SLC35B1: variants seen among roughly 807,000 people sequenced by gnomAD.
The protein encoded by SLC35B1 is ATP/ADP exchanger ER.
A neutral mutation model predicts 36.6 loss-of-function variants in SLC35B1; 27 were observed. That is an observed-to-expected ratio of 0.74 (90% CI 0.54 to 1.02). The LOEUF (loss-of-function observed/expected upper bound fraction) is 1.02. Ranked by LOEUF, SLC35B1 falls within the 50% of genes least tolerant of loss-of-function variation. The pLI is 0.00. For missense variants in SLC35B1, 321 were observed against 383.2 expected, an observed-to-expected ratio of 0.84 and a Z score of 1.35; for synonymous variants, 162 against 152.5, an observed-to-expected ratio of 1.06 and a Z score of -0.46.
rs999964324 is a variant in SLC35B1 at position 49,702,987 on chromosome 17, A to G, written c.787T>C (p.Tyr263His). ...GQSFIFMTVV[Y>H]FGPLTCSIIT... ...ATGGAGCAGGTCAGGGGACCAAAAT[A>G]CACAACCGTCATAAAGATGAAGCTC... The change falls in exon 8 of 9, where the codon TAT becomes CAT. Residue 263 changes from tyrosine to histidine, a missense_variant. Coordinates refer to ENST00000240333, the MANE Select transcript of SLC35B1 (RefSeq NM_005827.4). The G allele has an allele frequency of 6.2e-7, 1 of 1,614,106 alleles. No individual in the cohort carries two copies.
At chr17:49,703,346 GCGCACACA>G (rs780678239) in intron 6 of SLC35B1, 52 bp from the exon 7 acceptor site, 220 of 667,716 alleles carry the variant, frequency 3.3e-4, no homozygotes, top group Admixed American at 2.5e-3. Context: ...CACAAAATGT[GCGCACACA>G]CACACACACA....
Position 49,701,422 on chromosome 17 carries a change from TTAAA to T in SLC35B1, c.*32_*35del. On this transcript the variant is annotated 3_prime_UTR_variant, in exon 9 of 9. Coordinates refer to ENST00000240333, the MANE Select transcript of SLC35B1 (RefSeq NM_005827.4). ...AGATGTCACTGTTTGAGATAATAACTTAAATATTCTTGATGTGGAGGTAGTCTCT... is the reference window on the plus strand; with the variant it reads ...AGATGTCACTGTTTGAGATAATAACTTATTCTTGATGTGGAGGTAGTCTCT... The T allele has an allele frequency of 6.5e-7, 1 of 1,543,398 alleles. No homozygotes were observed. Among genetic ancestry groups the T allele is most frequent in the Non-Finnish European group, 9.0e-7 (1 of 1,115,992 alleles).
chr17:49,705,962 G>A lies in SLC35B1; in HGVS notation c.340-66C>T, dbSNP rs375069174. On this transcript the variant is annotated intron_variant, in intron 3 of 8. Coordinates refer to ENST00000240333, the MANE Select transcript of SLC35B1 (RefSeq NM_005827.4). The stretch of plus-strand genomic sequence containing the variant: ...TGTGTCAGGTACTATGCTAGGTACC[G>A]CACTGATTAAGATGAGTAAGCACAG... 66 of 1,503,030 alleles carry A rather than the reference G, an allele frequency of 4.4e-5. 1 individual carries two copies. The South Asian group carries it at 4.6e-4, about 11-fold the overall frequency. 93.1% of individuals were successfully genotyped at this position (1,503,030 alleles called of 1,614,324 possible).
chr17:49,703,333 GCACACAAAATGTGCGCA>G, intron 6 of SLC35B1, 39 bp from the exon 7 acceptor site: 1 of 1,294,348 alleles, frequency 7.7e-7, no homozygotes, highest in Non-Finnish European at 1.1e-6. Context: ...CGCATTTTGT[GCACACAAAATGTGCGCA>G]CACACACACA....
chr17:49,705,108 C>T lies in SLC35B1; in HGVS notation c.528+16G>A, dbSNP rs201967361. 4.0e-5 allele frequency: 65 copies of T among 1,613,546 alleles called. No individual in the cohort carries two copies. In the African/African-American group the frequency reaches 6.1e-4, roughly 15 times the overall value. On this transcript the variant is annotated intron_variant, in intron 5 of 8. Coordinates refer to ENST00000240333, the MANE Select transcript of SLC35B1 (RefSeq NM_005827.4). ...GTTTGCTGGAAAAGGGTGCCTTCCC[C>T]AACAGGATCTCATACCAAGAGTAGC...
rs776755315 is a variant in SLC35B1, at chr17:49,707,927, C to A, written c.-94G>T. The A allele has an allele frequency of 1.9e-6, 3 of 1,567,880 alleles. No homozygotes were observed. The highest frequency in any genetic ancestry group is 2.6e-6 in the Non-Finnish European group (3 of 1,156,296). ...ACAGCTCCAGCCGGACATCGCCGAC[C>A]GGCGGCAGGGGCCTCATAGGAGCTG... On this transcript the variant is annotated 5_prime_UTR_variant, in exon 1 of 9. Transcript: ENST00000240333.
intron 8 of SLC35B1, 196 bp from the exon 9 acceptor site, chr17:49,701,706 G>A: frequency 3.7e-6 from 2 of 542,762 alleles, no homozygotes; most frequent in South Asian, 2.4e-5. Flanking sequence ...ACAGATATCT[G>A]TATCTATATA....
chr17:49,705,111 C>T lies in SLC35B1; in HGVS notation c.528+13G>A, dbSNP rs749738247. ...TGCTGGAAAAGGGTGCCTTCCCCAA[C>T]AGGATCTCATACCAAGAGTAGCTCT... On this transcript the variant is annotated intron_variant, in intron 5 of 8. Coordinates refer to ENST00000240333, the MANE Select transcript of SLC35B1 (RefSeq NM_005827.4). The T allele has an allele frequency of 2.0e-5, 32 of 1,613,608 alleles. No individual in the cohort carries two copies. In the South Asian group the frequency reaches 3.2e-4, roughly 16 times the overall value.
At chr17:49,706,444 A>G (rs2073421765) in intron 2 of SLC35B1, 110 bp from the exon 3 acceptor site, 1 of 1,053,278 alleles carries the variant, frequency 9.5e-7, no homozygotes. Context: ...CTGAAGCCAC[A>G]TGAAAGGAAC....
Position 49,707,718 on chromosome 17 carries a change from G to A in SLC35B1, c.104+12C>T, listed in dbSNP as rs908126271. On this transcript the variant is annotated intron_variant, in intron 1 of 8. Transcript: ENST00000240333. ...GGGGAGAGACTGTCGGCCCGCCCCCGGGGTCGCTCACATCTTTTCCTGCAG... is the reference window on the plus strand; with the variant it reads ...GGGGAGAGACTGTCGGCCCGCCCCCAGGGTCGCTCACATCTTTTCCTGCAG... 23 of 1,609,410 alleles carry A rather than the reference G, an allele frequency of 1.4e-5. No homozygotes were observed. The highest frequency in any genetic ancestry group is 1.5e-5 in the Non-Finnish European group (18 of 1,178,564).
chr17:49,701,355 T>C lies in SLC35B1; in HGVS notation c.*103A>G. 1.2e-6 allele frequency: 1 copy of C among 855,438 alleles called. No individual in the cohort carries two copies. Among genetic ancestry groups the C allele is most frequent in the South Asian group, 1.5e-5 (1 of 66,206 alleles). The allele number at this position is 855,438 out of a possible 1,614,324, so 53.0% of individuals were successfully genotyped here. A position where few individuals can be genotyped will look rare whatever the true frequency, so the allele number is the denominator to read the frequency against. ...TTGATTTTATTTTATTAAAAAAGAC[T>C]GGAACTCAGTCCCATATTCCTATTA... On this transcript the variant is annotated 3_prime_UTR_variant, in exon 9 of 9. Transcript: ENST00000240333.
At chr17:49,706,376 G>GAAAAAAAAAA (rs376610823) in intron 2 of SLC35B1, 42 bp from the exon 3 acceptor site, 85 of 520,968 alleles carry the variant, frequency 1.6e-4, no homozygotes, top group Admixed American at 5.4e-4. Flanking sequence ...GAAAAGAAAA[G>GAAAAAAAAAA]AAAAAAAAAA....
At chr17:49,707,701 AC>A in intron 1 of SLC35B1, 28 bp downstream of exon 1, 2 of 1,603,900 alleles carry the variant, frequency 1.2e-6, no homozygotes, top group Non-Finnish European at 1.7e-6. Flanking sequence ...CTGGGGAGAG[AC>A]TGTCGGCCCG....
In SLC35B1 at chr17:49,707,206, G is replaced by A. The variant is rs1005243211; in HGVS notation, c.105-138C>T. 5 of 1,318,776 alleles carry A rather than the reference G, an allele frequency of 3.8e-6. No homozygotes were observed. The African/African-American group carries it at 4.4e-5, about 12-fold the overall frequency. 81.7% of individuals were successfully genotyped at this position (1,318,776 alleles called of 1,614,324 possible). On this transcript the variant is annotated intron_variant, in intron 1 of 8. Coordinates refer to ENST00000240333, the MANE Select transcript of SLC35B1 (RefSeq NM_005827.4). ...AGGCAGAGTTTGTTAAGGACCACTA[G>A]GCTCATTTGCAAAAGGGGCTGATTT...
rs1567820273 is a variant in SLC35B1 at position 49,705,228 on chromosome 17, G to A, written c.424C>T (p.Leu142=). The A allele has an allele frequency of 6.8e-6, 11 of 1,614,214 alleles. No homozygotes were observed. Among genetic ancestry groups the A allele is most frequent in the Non-Finnish European group, 9.3e-6 (11 of 1,180,026 alleles). Residue 142 remains leucine (L), a synonymous_variant, in exon 5 of 9, where the codon CTG becomes TTG. Transcript: ENST00000240333. ...CCAGCCACAATTAACAGCACACACA[G>A]GTACTTGGCCAACGGGTACTTCTTC... The part of the protein sequence containing the change: ...LKKKYPLAKY[L]CVLLIVAGVA...
rs769939267 is a variant in SLC35B1 at position 49,706,320 on chromosome 17, C to T, written c.223G>A (p.Asp75Asn). 5 of 839,300 alleles carry T rather than the reference C, an allele frequency of 6.0e-6. No homozygotes were observed. Among genetic ancestry groups the T allele is most frequent in the African/African-American group, 3.1e-5 (1 of 32,292 alleles). The allele number at this position is 839,300 out of a possible 1,614,324, so 52.0% of individuals were successfully genotyped here. A position where few individuals can be genotyped will look rare whatever the true frequency, so the allele number is the denominator to read the frequency against. Reference protein sequence around the residue: ...VFAKILIQFFDTARVDRTRSW... With the variant: ...VFAKILIQFFNTARVDRTRSW... Reference sequence around the variant, plus strand: ...CGGGTACGATCCACCCTGGCAGTGTCAAAAAACTGGATCACTGGGAGAAGA... The same window carrying T: ...CGGGTACGATCCACCCTGGCAGTGTTAAAAAACTGGATCACTGGGAGAAGA... Residue 75 changes from aspartate (D) to asparagine (N), a missense_variant, in exon 3 of 9, where the codon GAC becomes AAC. Physicochemically the swap from Asp to Asn is conservative, Grantham distance 23. Coordinates refer to ENST00000240333, the MANE Select transcript of SLC35B1 (RefSeq NM_005827.4).
chr17:49,701,222 T>C lies in SLC35B1; in HGVS notation c.*236A>G. Reference sequence around the variant, plus strand: ...GGTAATGAACATCCAGCTCTGCCTCTTCCCTCCCTCTTTTATTTACCATAG... The same window carrying C: ...GGTAATGAACATCCAGCTCTGCCTCCTCCCTCCCTCTTTTATTTACCATAG... On this transcript the variant is annotated 3_prime_UTR_variant, in exon 9 of 9. Coordinates refer to ENST00000240333, the MANE Select transcript of SLC35B1 (RefSeq NM_005827.4). The C allele has an allele frequency of 2.2e-6, 1 of 455,112 alleles. No homozygotes were observed. The highest frequency in any genetic ancestry group is 4.0e-6 in the Non-Finnish European group (1 of 250,066). The allele number at this position is 455,112 out of a possible 1,614,324, so 28.2% of individuals were successfully genotyped here. A position where few individuals can be genotyped will look rare whatever the true frequency, so the allele number is the denominator to read the frequency against.
At chr17:49,708,190 G>T (rs748285811), upstream of SLC35B1, 2 of 631,932 alleles carry the variant, frequency 3.2e-6, no homozygotes, top group South Asian at 1.7e-5. Context: ...AGCACCACAG[G>T]GTGTCCTAGA....
intron 1 of SLC35B1, 167 bp from the exon 2 acceptor site, chr17:49,707,235 T>C (rs2073430409): frequency 2.9e-6 from 4 of 1,396,548 alleles, no homozygotes; most frequent in Middle Eastern, 3.8e-4. Flanking sequence ...CTGATTTTAC[T>C]GGATCTAGAA....
Sources: gnomAD v4.1 joint callset for allele counts on GRCh38, gnomAD v4.1.1 for gene constraint, MANE v1.5 for transcripts, NCBI Gene and HGNC (gene_info 2026-07-23, HGNC 2026-07-21) for gene names.